The following DUXA variants were observed in gnomAD, a reference collection of about 807,000 sequenced individuals.
DUXA encodes double homeobox protein A.
In DUXA, 25 loss-of-function variants were observed where a neutral mutation model predicts 27.5. The ratio of observed to expected loss-of-function variants is 0.91; its 90% CI spans 0.66 to 1.27. DUXA has a LOEUF of 1.27. Among genes scored for constraint, DUXA ranks in the 50% most tolerant of loss-of-function variants. The pLI is 0.00. For missense variants in DUXA, 247 were observed against 242.9 expected, an observed-to-expected ratio of 1.02 and a Z score of -0.11; for synonymous variants, 90 against 80.5, an observed-to-expected ratio of 1.12 and a Z score of -0.63.
At chr19:57,165,695 C>A (rs529172454) in intron 1 of DUXA, among the ~76,000 whole-genome samples, 4 of 150,574 alleles carry the variant, frequency 2.7e-5, no homozygotes, top group Admixed American at 2.0e-4. Flanking sequence ...GTCCCAGCTA[C>A]TCGGGAGGCT....
Position 57,155,646 on chromosome 19 carries a change from A to AAGAT in DUXA, c.439-278_439-275dup, listed in dbSNP as rs35512413. ...AGGCACACTTGACTGTGCCCAACCC[A>AAGAT]AGATAGATAGATAGATAGATAGATA... On this transcript the variant is annotated intron_variant, in intron 4 of 5. Coordinates refer to ENST00000554048, the MANE Select transcript of DUXA (RefSeq NM_001012729.2). 3.2e-3 allele frequency among the ~76,000 whole-genome samples: 467 copies of AAGAT among 144,120 alleles called. 3 individuals carry two copies. The highest frequency in any genetic ancestry group is 6.1e-3 in the African/African-American group (232 of 38,342). 94.5% of individuals were successfully genotyped at this position (144,120 alleles called of 152,430 possible).
intron 3 of DUXA, 103 bp from the exon 4 acceptor site, chr19:57,158,576 T>C: frequency 1.4e-6 from 2 of 1,408,322 alleles, no homozygotes; most frequent in East Asian, 4.7e-5. Context: ...CTCCCTCCAA[T>C]TTCGATCCCA....
At chr19:57,166,366 A>G (rs1349738218) in intron 1 of DUXA, among the ~76,000 whole-genome samples, 1 of 152,170 alleles carries the variant, frequency 6.6e-6, no homozygotes, top group Non-Finnish European at 1.5e-5. Context: ...GCTGAGGTAC[A>G]TGGCATGATC....
chr19:57,166,355 G>A (rs951419733), intron 1 of DUXA, among the ~76,000 whole-genome samples: 3 of 152,204 alleles, frequency 2.0e-5, no homozygotes, highest in Non-Finnish European at 4.4e-5. Context: ...CTCTGGCCCA[G>A]GCTGAGGTAC....
intron 2 of DUXA, among the ~76,000 whole-genome samples, chr19:57,160,421 G>T (rs780095947): frequency 5.3e-5 from 8 of 152,214 alleles, no homozygotes; most frequent in Admixed American, 1.3e-4. Flanking sequence ...TTCTCTGAAG[G>T]TACGCCTACA....
chr19:57,158,775 G>A (rs1056275342), intron 3 of DUXA, among the ~76,000 whole-genome samples: 3 of 152,180 alleles, frequency 2.0e-5, no homozygotes, highest in Non-Finnish European at 4.4e-5. Flanking sequence ...ACAAGGTCAG[G>A]AGTTCAAGAC....
At position 57,161,389 on chromosome 19, in the gene DUXA, C is replaced by T. The variant is rs984958392; in HGVS notation, c.26-592G>A. The stretch of plus-strand genomic sequence containing the variant: ...CTGTAATCCCAGCACTTTGGGAGGC[C>T]GAGGCGGGCGGATCACAAGGTCAGG... On this transcript the variant is annotated intron_variant, in intron 1 of 5. Transcript: ENST00000554048. 3.9e-4 allele frequency among the ~76,000 whole-genome samples: 56 copies of T among 142,304 alleles called. 2 individuals carry two copies. The highest frequency in any genetic ancestry group is 3.6e-4 in the Admixed American group (5 of 13,922). The allele number at this position is 142,304 out of a possible 152,430, so 93.4% of individuals were successfully genotyped here.
chr19:57,165,320 A>AT lies in DUXA; in HGVS notation c.25+2098_25+2099insA, dbSNP rs1380503736. Among the ~76,000 whole-genome samples the AT allele has an allele frequency of 3.1e-3, 300 of 96,600 alleles. 1 individual carries two copies. The highest frequency in any genetic ancestry group is 6.2e-3 in the African/African-American group (171 of 27,742). 63.4% of individuals were successfully genotyped at this position (96,600 alleles called of 152,430 possible). On this transcript the variant is annotated intron_variant, in intron 1 of 5. Coordinates refer to ENST00000554048, the MANE Select transcript of DUXA (RefSeq NM_001012729.2). ...CATTTCTGGAGTAGGAAAAAAAAAA[A>AT]AAAAATATATATATATATATATATG... is the stretch of plus-strand genomic sequence containing the variant.
intron 1 of DUXA, among the ~76,000 whole-genome samples, chr19:57,165,394 T>A (rs934450923): frequency 1.3e-5 from 2 of 149,558 alleles, no homozygotes; most frequent in African/African-American, 4.9e-5. Context: ...TCTAACACTT[T>A]ACCTTCTCCA....
chr19:57,154,343 T>C lies in DUXA; in HGVS notation c.*69A>G. The C allele has an allele frequency of 1.4e-6, 2 of 1,444,600 alleles. No homozygotes were observed. Among genetic ancestry groups the C allele is most frequent in the Non-Finnish European group, 1.9e-6 (2 of 1,030,290 alleles). 89.5% of individuals were successfully genotyped at this position (1,444,600 alleles called of 1,614,324 possible). On this transcript the variant is annotated 3_prime_UTR_variant, in exon 6 of 6. Transcript: ENST00000554048. Reference sequence around the variant, plus strand: ...TTGCAGTTTCAGCAGAAGGATAGACTCCCAGGAAGACCGTGAGACAGATTT... The same window carrying C: ...TTGCAGTTTCAGCAGAAGGATAGACCCCCAGGAAGACCGTGAGACAGATTT...
At chr19:57,164,430 C>G (rs1306126650) in intron 1 of DUXA, among the ~76,000 whole-genome samples, 1 of 152,058 alleles carries the variant, frequency 6.6e-6, no homozygotes, top group African/African-American at 2.4e-5. Flanking sequence ...ACAAAATTAG[C>G]CAGGCATGGT....
chr19:57,154,698 G>A (rs556300369), intron 5 of DUXA, among the ~76,000 whole-genome samples: 3 of 151,984 alleles, frequency 2.0e-5, no homozygotes, highest in Non-Finnish European at 4.4e-5. Context: ...CGAGTAGCTG[G>A]GACTACAGGC....
At chr19:57,158,094 A>G (rs946649895) in intron 4 of DUXA, among the ~76,000 whole-genome samples, 2 of 152,196 alleles carry the variant, frequency 1.3e-5, no homozygotes, top group African/African-American at 2.4e-5. Flanking sequence ...CGTGCCACGC[A>G]CTGTTCAGGG....
chr19:57,157,639 A>G (rs528447151), intron 4 of DUXA, among the ~76,000 whole-genome samples: 49 of 152,118 alleles, frequency 3.2e-4, no homozygotes, highest in African/African-American at 1.1e-3. Flanking sequence ...CCTGGACCTC[A>G]TAACTCTAAC....
In DUXA at chr19:57,154,145, T is replaced by C. The variant is rs1259273687; in HGVS notation, c.*267A>G. On this transcript the variant is annotated 3_prime_UTR_variant, in exon 6 of 6. Coordinates refer to ENST00000554048, the MANE Select transcript of DUXA (RefSeq NM_001012729.2). ...CCGTCTCTGCCTCCTACAGTCCTTTTCATTTATTTTGTTTTTTTATAATAG... is the reference window on the plus strand; with the variant it reads ...CCGTCTCTGCCTCCTACAGTCCTTTCCATTTATTTTGTTTTTTTATAATAG... 1.4e-5 allele frequency: 5 copies of C among 363,526 alleles called. No homozygotes were observed. The East Asian group carries it at 2.9e-4, about 21-fold the overall frequency. 22.5% of individuals were successfully genotyped at this position (363,526 alleles called of 1,614,324 possible).
In DUXA at chr19:57,155,314, G is replaced by A. The variant is rs780439658; in HGVS notation, c.497C>T (p.Ala166Val). The A allele has an allele frequency of 1.4e-5, 22 of 1,614,052 alleles. No homozygotes were observed. In the East Asian group the frequency reaches 1.8e-4, roughly 13 times the overall value. ...LLLQRKREPV[A>V]SLEQEEQGKI... is the part of the protein sequence containing the mutation. The stretch of plus-strand genomic sequence containing the variant: ...GCCCTGCTCTTCTTGTTCTAAGGAC[G>A]CCACAGGTTCCCTTTTTCTCTGGAG... The change falls in exon 5 of 6, where the codon GCG becomes GTG. Residue 166 changes from alanine (A) to valine (V), a missense_variant. Ala to Val is a moderately conservative substitution (Grantham distance 64). Transcript: ENST00000554048.
intron 1 of DUXA, among the ~76,000 whole-genome samples, chr19:57,165,324 A>AATATATATATATATAT (rs74179420): frequency 3.4e-4 from 30 of 89,248 alleles, no homozygotes; most frequent in Middle Eastern, 6.0e-3. Flanking sequence ...AAAAAAAAAA[A>AATATATATATATATAT]ATATATATAT....
At position 57,155,390 on chromosome 19, in the gene DUXA, G is replaced by T. The variant is rs114533845; in HGVS notation, c.439-18C>A. 49 of 1,565,988 alleles carry T rather than the reference G, an allele frequency of 3.1e-5. No individual in the cohort carries two copies. The African/African-American group carries it at 6.4e-4, about 20-fold the overall frequency. On this transcript the variant is annotated intron_variant, in intron 4 of 5. Transcript: ENST00000554048. ...AACCAAATCTAAGTGGTAAGACAAA[G>T]AAACTTAATTTAAACAAAGAATGTT...
intron 1 of DUXA, among the ~76,000 whole-genome samples, chr19:57,165,581 A>G (rs1044666305): frequency 5.3e-5 from 8 of 151,762 alleles, no homozygotes; most frequent in South Asian, 2.1e-4. Context: ...CGAGGCGGGC[A>G]GATCACGATG....
Sources: allele counts gnomAD v4.1 joint callset (sites outside exome capture counted in the v4.1 genomes callset), GRCh38; gene constraint gnomAD v4.1.1; transcripts MANE v1.5; gene names NCBI Gene and HGNC (gene_info 2026-07-23, HGNC 2026-07-21).